The following GRID2 variants were observed in gnomAD, a reference collection of about 807,000 sequenced individuals.
The protein encoded by GRID2 is glutamate receptor ionotropic, delta-2.
A neutral mutation model predicts 114.8 loss-of-function variants in GRID2; 33 were observed. That is an observed-to-expected ratio of 0.29 (90% confidence interval 0.22 to 0.38). GRID2 has a LOEUF of 0.38. GRID2 is among the 10% of genes least tolerant of loss of function. The pLI is 1.00. For synonymous variants in GRID2, 505 were observed against 449.9 expected (o/e 1.12, Z -1.55); for missense variants, 1,184 against 1,257.7 (o/e 0.94, Z 0.89).
chr4:92,899,309 G>A (rs896772789), intron 2 of GRID2, among the ~76,000 whole-genome samples: 7 of 151,558 alleles, frequency 4.6e-5, no homozygotes, highest in South Asian at 4.2e-4. Flanking sequence ...TCAGTTTTCC[G>A]AAAAAATTTA....
intron 14 of GRID2, among the ~76,000 whole-genome samples, chr4:93,677,621 A>G (rs57794669): frequency 0.094 from 14,361 of 152,166 alleles, 888 homozygotes; most frequent in Non-Finnish European, 0.13. Flanking sequence ...TTCGCAGTTC[A>G]TGAAAATCCG....
intron 13 of GRID2, among the ~76,000 whole-genome samples, chr4:93,572,730 A>G (rs570760579): frequency 2.1e-4 from 32 of 152,214 alleles, no homozygotes; most frequent in Non-Finnish European, 4.3e-4. Context: ...CCATGGCTAC[A>G]TCTCAGGCAC....
chr4:93,601,263 T>C (rs983732858), intron 13 of GRID2, among the ~76,000 whole-genome samples: 4 of 152,122 alleles, frequency 2.6e-5, no homozygotes, highest in Non-Finnish European at 2.9e-5. Context: ...AAATACAGCA[T>C]AACCAGATGA....
At chr4:93,167,857 G>T (rs183396861) in intron 4 of GRID2, among the ~76,000 whole-genome samples, 83 of 151,860 alleles carry the variant, frequency 5.5e-4, no homozygotes, top group African/African-American at 2.0e-3. Context: ...TTATAGATTT[G>T]TTTCAAAGTA....
chr4:93,673,482 A>G (rs771981505), intron 14 of GRID2, among the ~76,000 whole-genome samples: 2 of 152,044 alleles, frequency 1.3e-5, no homozygotes, highest in Non-Finnish European at 1.5e-5. Context: ...TTTTATATCT[A>G]TTTTCTCATG....
intron 8 of GRID2, among the ~76,000 whole-genome samples, chr4:93,345,374 T>G (rs959242012): frequency 4.6e-5 from 7 of 152,068 alleles, no homozygotes; most frequent in Non-Finnish European, 8.8e-5. Flanking sequence ...ACTGTGGTTT[T>G]AATTTGCATT....
chr4:93,530,658 T>G (rs147448894), intron 13 of GRID2, among the ~76,000 whole-genome samples: 115 of 152,280 alleles, frequency 7.6e-4, no homozygotes, highest in African/African-American at 2.7e-3. Context: ...TGGTTTCCTT[T>G]TAATACTGTA....
intron 1 of GRID2, among the ~76,000 whole-genome samples, chr4:92,579,701 G>A (rs1283614001): frequency 2.6e-5 from 4 of 151,660 alleles, no homozygotes; most frequent in African/African-American, 9.7e-5. Flanking sequence ...CTACAAAAAT[G>A]ATAAAGTTTA....
intron 1 of GRID2, among the ~76,000 whole-genome samples, chr4:92,552,905 C>T (rs975622933): frequency 6.6e-6 from 1 of 152,202 alleles, no homozygotes; most frequent in Non-Finnish European, 1.5e-5. Flanking sequence ...TCTTCTCTCT[C>T]AGTCACCTTT....
chr4:92,469,297 AATG>A (rs1274256915), intron 1 of GRID2, among the ~76,000 whole-genome samples: 3 of 152,198 alleles, frequency 2.0e-5, no homozygotes, highest in Non-Finnish European at 4.4e-5. Context: ...ATCCAATGAG[AATG>A]AAGAAGGTTA....
chr4:93,706,796 C>T (rs1247385607), intron 14 of GRID2, among the ~76,000 whole-genome samples: 1 of 152,096 alleles, frequency 6.6e-6, no homozygotes, highest in Non-Finnish European at 1.5e-5. Context: ...TGATCTAGAT[C>T]TTAGAGGAAA....
At chr4:93,208,392 A>G (rs1240270045) in intron 5 of GRID2, among the ~76,000 whole-genome samples, 1 of 151,918 alleles carries the variant, frequency 6.6e-6, no homozygotes, top group Non-Finnish European at 1.5e-5. Context: ...TTGCATGTTC[A>G]TAATAAAAGT....
chr4:92,933,592 G>A (rs1750407048), intron 2 of GRID2, among the ~76,000 whole-genome samples: 1 of 151,382 alleles, frequency 6.6e-6, no homozygotes, highest in South Asian at 2.1e-4. Flanking sequence ...TAAATTTGAG[G>A]CTGAATGACT....
chr4:92,866,304 G>GT (rs1578342423), intron 2 of GRID2, among the ~76,000 whole-genome samples: 1 of 152,012 alleles, frequency 6.6e-6, no homozygotes, highest in African/African-American at 2.4e-5. Flanking sequence ...TCTGTCATCC[G>GT]TATCACTTCA....
intron 14 of GRID2, among the ~76,000 whole-genome samples, chr4:93,636,264 G>T (rs1315948429): frequency 1.3e-5 from 2 of 152,094 alleles, no homozygotes; most frequent in African/African-American, 4.8e-5. Flanking sequence ...AATAAGATTT[G>T]TGCTGTTTCT....
intron 2 of GRID2, among the ~76,000 whole-genome samples, chr4:92,595,232 C>T (rs192517590): frequency 4.0e-5 from 6 of 151,768 alleles, no homozygotes; most frequent in Admixed American, 3.3e-4. Context: ...TTATGTATTG[C>T]AAAACATTAT....
chr4:93,068,376 AAGG>A (rs1215042864), intron 2 of GRID2, among the ~76,000 whole-genome samples: 5 of 152,046 alleles, frequency 3.3e-5, no homozygotes, highest in African/African-American at 1.2e-4. Context: ...GTGGGGGTGA[AAGG>A]AGATTAAAAA....
intron 8 of GRID2, among the ~76,000 whole-genome samples, chr4:93,382,469 C>T (rs566836637): frequency 2.0e-4 from 30 of 152,082 alleles, no homozygotes; most frequent in African/African-American, 6.7e-4. Flanking sequence ...ATGGTCTTCT[C>T]TTTACATTTG....
chr4:92,642,732 A>G (rs939044524), intron 2 of GRID2, among the ~76,000 whole-genome samples: 1 of 151,670 alleles, frequency 6.6e-6, no homozygotes, highest in African/African-American at 2.4e-5. Context: ...TTCTTTGTCA[A>G]GGCCAATGTT....
Sources: gnomAD v4.1 joint callset for allele counts (sites outside exome capture counted in the v4.1 genomes callset) on GRCh38, gnomAD v4.1.1 for gene constraint, MANE v1.5 for transcripts, NCBI Gene and HGNC (gene_info 2026-07-23, HGNC 2026-07-21) for gene names.